Variants in LUZP1 observed in about 807,000 individuals in gnomAD.
LUZP1 encodes leucine zipper protein 1, also known as filamin mechanobinding actin cross-linking protein.
In LUZP1, 25 loss-of-function variants were observed where a neutral mutation model predicts 71.3. That is an observed-to-expected ratio of 0.35 (90% CI 0.26 to 0.49). The LOEUF (loss-of-function observed/expected upper bound fraction) is 0.49. LUZP1 is among the 20% of genes least tolerant of loss of function. The probability of loss-of-function intolerance (pLI) is 0.99; values close to 1 mark genes in which losing one functional copy is unlikely to be tolerated. For synonymous variants in LUZP1, 481 were observed against 506.4 expected (o/e 0.95, Z 0.67); for missense variants, 1,142 against 1,300.8 (o/e 0.88, Z 1.88).
chr1:23,110,980 A>C (rs1569587038), intron 2 of LUZP1, among the ~76,000 whole-genome samples: 2 of 150,702 alleles, frequency 1.3e-5, no homozygotes, highest in Non-Finnish European at 3.0e-5. Flanking sequence ...CGGGCAGATC[A>C]CCTGAGGTCA....
chr1:23,107,894 C>T (rs1279183038), intron 3 of LUZP1, among the ~76,000 whole-genome samples: 2 of 152,228 alleles, frequency 1.3e-5, no homozygotes, highest in Non-Finnish European at 2.9e-5. Context: ...CCTAACTACA[C>T]CTATTTCCTC....
At chr1:23,096,626 T>A (rs960853956) in intron 3 of LUZP1, among the ~76,000 whole-genome samples, 2 of 152,142 alleles carry the variant, frequency 1.3e-5, no homozygotes, top group Non-Finnish European at 2.9e-5. Context: ...AAAAGACCAT[T>A]GTCTCAGTCC....
At chr1:23,141,892 G>A (rs972529104) in intron 2 of LUZP1, among the ~76,000 whole-genome samples, 1 of 150,444 alleles carries the variant, frequency 6.6e-6, no homozygotes, top group Non-Finnish European at 1.5e-5. Flanking sequence ...TGCCCAGGCT[G>A]GAGTGCAATG....
chr1:23,166,122 C>T (rs1048855893), intron 2 of LUZP1, among the ~76,000 whole-genome samples: 1 of 151,222 alleles, frequency 6.6e-6, no homozygotes, highest in African/African-American at 2.4e-5. Flanking sequence ...AAAGAAAAGG[C>T]AATACTATTG....
In LUZP1 at chr1:23,093,626, T is replaced by C. The variant is rs748894673; in HGVS notation, c.636A>G (p.Lys212=). 2 of 1,611,624 alleles carry C rather than the reference T, an allele frequency of 1.2e-6. No homozygotes were observed. The highest frequency in any genetic ancestry group is 4.5e-5 in the East Asian group (2 of 44,872). The stretch of plus-strand genomic sequence containing the variant: ...TCTGCTCTAGTTTTTGAGTGAGTTC[T>C]TTTATCAATTTCTCATTTTCTTTCT... The change falls in exon 4 of 5, where the codon AAA becomes AAG. Residue 212 remains lysine (K), a synonymous_variant. Transcript: ENST00000302291. The surrounding 1 kb of genome is among the most constrained non-coding windows in gnomAD (Gnocchi z 4.2).
At chr1:23,140,664 T>A (rs1644296139) in intron 2 of LUZP1, 1 of 152,262 alleles carries the variant, frequency 6.6e-6, no homozygotes, top group Admixed American at 6.5e-5. Context: ...AAGACAGGCA[T>A]GCTCGACTGG....
chr1:23,171,957 G>A (rs548473356), intron 1 of LUZP1, among the ~76,000 whole-genome samples: 11 of 152,294 alleles, frequency 7.2e-5, no homozygotes, highest in Admixed American at 2.6e-4. Context: ...AGGAAAGATC[G>A]GGATTCAAAA....
At chr1:23,143,721 G>A (rs1644322672) in intron 2 of LUZP1, among the ~76,000 whole-genome samples, 1 of 152,178 alleles carries the variant, frequency 6.6e-6, no homozygotes, top group African/African-American at 2.4e-5. Flanking sequence ...GTTCATAACA[G>A]TTCACAGTAA....
intron 2 of LUZP1, among the ~76,000 whole-genome samples, chr1:23,123,275 C>T (rs371729137): frequency 2.8e-4 from 43 of 152,128 alleles, no homozygotes; most frequent in Middle Eastern, 3.4e-3. Context: ...GGGGGGATCC[C>T]GAGGTCAGGA....
chr1:23,149,944 G>A (rs1010031848), intron 2 of LUZP1, among the ~76,000 whole-genome samples: 7 of 136,592 alleles, frequency 5.1e-5, no homozygotes, highest in African/African-American at 2.0e-4. Flanking sequence ...CCTGGTGACG[G>A]AGCCAGACTC....
exon 4 of LUZP1, chr1:23,091,810 G>C (rs1402844598): frequency 6.2e-6 from 10 of 1,613,946 alleles, no homozygotes; most frequent in Non-Finnish European, 7.6e-6. Flanking sequence ...GTGGATGTGT[G>C]CCTCTCCCTC....
At chr1:23,123,957 CT>C (rs1644150177) in intron 2 of LUZP1, among the ~76,000 whole-genome samples, 1 of 152,106 alleles carries the variant, frequency 6.6e-6, no homozygotes, top group African/African-American at 2.4e-5. Flanking sequence ...CTTTCACCAT[CT>C]CTCTTTAAAA....
chr1:23,125,343 A>G (rs1644163662), intron 2 of LUZP1, among the ~76,000 whole-genome samples: 1 of 152,104 alleles, frequency 6.6e-6, no homozygotes, highest in African/African-American at 2.4e-5. Context: ...TAAATTTGCC[A>G]TTGCTGATTT....
chr1:23,124,264 T>C (rs1644153157), intron 2 of LUZP1, among the ~76,000 whole-genome samples: 1 of 152,172 alleles, frequency 6.6e-6, no homozygotes. Flanking sequence ...TAGCCTTTCA[T>C]TTTAAAGATG....
At chr1:23,141,599 C>T (rs1424227402) in intron 2 of LUZP1, among the ~76,000 whole-genome samples, 1 of 152,184 alleles carries the variant, frequency 6.6e-6, no homozygotes, top group Admixed American at 6.5e-5. Flanking sequence ...CACCCCTCTG[C>T]CACATGGGCC....
At chr1:23,168,745 C>G (rs967142188) in intron 2 of LUZP1, 21 bp downstream of exon 1, 21 of 153,672 alleles carry the variant, frequency 1.4e-4, no homozygotes, top group African/African-American at 4.6e-4. Flanking sequence ...CTCCCGCCGC[C>G]GCCGCCTCAC....
At chr1:23,150,481 T>C (rs755943237) in intron 2 of LUZP1, among the ~76,000 whole-genome samples, 13 of 151,954 alleles carry the variant, frequency 8.6e-5, no homozygotes, top group African/African-American at 1.7e-4. Flanking sequence ...GGAAGAAATA[T>C]TGGAAGAAAA....
chr1:23,094,693 G>T lies in LUZP1; in HGVS notation c.-119-313C>A, dbSNP rs1205963995. On this transcript the variant is annotated intron_variant, in intron 3 of 4. Transcript: ENST00000302291. The surrounding 1 kb of genome is among the most constrained non-coding windows in gnomAD (Gnocchi z 4.7). ...ACCATCTGCAACCTGCATAATCTCA[G>T]GAGAGTCATTAACAATGGAAACTAA... Among the ~76,000 whole-genome samples, 1 of 152,106 alleles carries T rather than the reference G, an allele frequency of 6.6e-6. No homozygotes were observed. Among genetic ancestry groups the T allele is most frequent in the Non-Finnish European group, 1.5e-5 (1 of 68,028 alleles).
chr1:23,168,875 A>C lies in LUZP1; in HGVS notation c.-335T>G, dbSNP rs925572757. On this transcript the variant is annotated 5_prime_UTR_variant, in exon 2 of 5. Transcript: ENST00000302291. ...GACTGACAATGAGGGGCGGGGCCAAATTGTGACGTCAGCGTTCTGGAAGGC... is the reference window on the plus strand; with the variant it reads ...GACTGACAATGAGGGGCGGGGCCAACTTGTGACGTCAGCGTTCTGGAAGGC... The C allele has an allele frequency of 2.6e-5, 4 of 152,156 alleles. No homozygotes were observed. Among genetic ancestry groups the C allele is most frequent in the Non-Finnish European group, 4.4e-5 (3 of 68,042 alleles). 9.4% of individuals were successfully genotyped at this position (152,156 alleles called of 1,614,324 possible).
Sources: gnomAD v4.1 joint callset for allele counts (sites outside exome capture counted in the v4.1 genomes callset) on GRCh38, gnomAD v4.1.1 for gene constraint, Gnocchi (gnomAD v3.1) non-coding constraint, MANE v1.5 for transcripts, NCBI Gene and HGNC (gene_info 2026-07-23, HGNC 2026-07-21) for gene names.